CDH13: variants seen among roughly 807,000 people sequenced by gnomAD.
The protein encoded by CDH13 is cadherin-13.
A neutral mutation model predicts 63.8 loss-of-function variants in CDH13; 24 were observed. The observed-to-expected ratio is 0.38, with a 90% CI of 0.27 to 0.53. The LOEUF is 0.53. CDH13 is among the 20% of genes least tolerant of loss of function. The probability of loss-of-function intolerance (pLI) is 0.85; values close to 1 mark genes in which losing one functional copy is unlikely to be tolerated. For missense variants in CDH13, 1,049 were observed against 903.1 expected (o/e 1.16, Z -2.07); for synonymous variants, 503 against 355.3 (o/e 1.42, Z -4.67).
chr16:83,007,707 C>T (rs1319737814), intron 2 of CDH13, among the ~76,000 whole-genome samples: 1 of 151,578 alleles, frequency 6.6e-6, no homozygotes, highest in African/African-American at 2.4e-5. Flanking sequence ...GCCTGTAGTC[C>T]CAGTAACTTG....
At chr16:83,204,481 A>T (rs974904487) in intron 4 of CDH13, among the ~76,000 whole-genome samples, 2 of 152,154 alleles carry the variant, frequency 1.3e-5, no homozygotes, top group African/African-American at 4.8e-5. Context: ...TTATGTACCT[A>T]AGCATTTCCT....
At chr16:82,924,909 A>G (rs1181925987) in intron 2 of CDH13, among the ~76,000 whole-genome samples, 1 of 152,046 alleles carries the variant, frequency 6.6e-6, no homozygotes, top group African/African-American at 2.4e-5. Flanking sequence ...AGCACTTTGG[A>G]GACACTCATT....
At chr16:83,583,396 G>A (rs139327662) in intron 7 of CDH13, among the ~76,000 whole-genome samples, 283 of 152,328 alleles carry the variant, frequency 1.9e-3, no homozygotes, top group African/African-American at 6.4e-3. Context: ...ACTTTGAGGA[G>A]CTATCATTCT....
chr16:83,212,698 G>T (rs1043878039), intron 4 of CDH13, among the ~76,000 whole-genome samples: 1 of 152,180 alleles, frequency 6.6e-6, no homozygotes, highest in African/African-American at 2.4e-5. Flanking sequence ...GGTGCTGAAA[G>T]CTGCCCAAAG....
chr16:83,602,457 C>T lies in CDH13; in HGVS notation c.964C>T (p.Leu322=). ...TCTTTGTGCTTGTGCTTTGTAGACTCTGGAAAATCCCAAGTATGAACTGAT... is the reference window on the plus strand; with the variant it reads ...TCTTTGTGCTTGTGCTTTGTAGACTTTGGAAAATCCCAAGTATGAACTGAT... ...VSPALLDRET[L]ENPKYELIIE... Residue 322 remains leucine (L), a synonymous_variant, in exon 8 of 14, where the codon CTG becomes TTG. Coordinates refer to ENST00000567109, the MANE Select transcript of CDH13 (RefSeq NM_001257.5). 2 of 1,613,994 alleles carry T rather than the reference C, an allele frequency of 1.2e-6. No individual in the cohort carries two copies. The highest frequency in any genetic ancestry group is 1.7e-6 in the Non-Finnish European group (2 of 1,179,860).
Position 83,145,054 on chromosome 16 carries a change from C to T in CDH13, c.483+19553C>T, listed in dbSNP as rs558973995. Reference sequence around the variant, plus strand: ...ATGTTGCCACTTGCCCTTGCAGACACAAGTACGGGGACATTATATTCAATT... The same window carrying T: ...ATGTTGCCACTTGCCCTTGCAGACATAAGTACGGGGACATTATATTCAATT... On this transcript the variant is annotated intron_variant, in intron 4 of 13. Coordinates refer to ENST00000567109, the MANE Select transcript of CDH13 (RefSeq NM_001257.5). Among the ~76,000 whole-genome samples the T allele has an allele frequency of 1.3e-4, 18 of 138,748 alleles. No individual in the cohort carries two copies. The South Asian group carries it at 3.5e-3, about 27-fold the overall frequency. The allele number at this position is 138,748 out of a possible 152,430, so 91.0% of individuals were successfully genotyped here.
chr16:82,810,466 C>G (rs977605118), intron 1 of CDH13, among the ~76,000 whole-genome samples: 1 of 152,132 alleles, frequency 6.6e-6, no homozygotes, highest in African/African-American at 2.4e-5. Context: ...TTGAGAGGAT[C>G]TCAAAGTGGA....
chr16:83,594,668 G>C, intron 7 of CDH13, among the ~76,000 whole-genome samples: 1 of 152,154 alleles, frequency 6.6e-6, no homozygotes, highest in Non-Finnish European at 1.5e-5. Context: ...AGAGAGAGAT[G>C]GGGTACTGTG....
chr16:83,052,154 T>G (rs2030411148), intron 3 of CDH13, among the ~76,000 whole-genome samples: 1 of 152,180 alleles, frequency 6.6e-6, no homozygotes, highest in African/African-American at 2.4e-5. Context: ...TAATATTTAT[T>G]TTTAGAAACC....
At chr16:83,507,094 T>G (rs958104637) in intron 7 of CDH13, among the ~76,000 whole-genome samples, 1 of 152,082 alleles carries the variant, frequency 6.6e-6, no homozygotes, top group Non-Finnish European at 1.5e-5. Context: ...TGCTCATTTC[T>G]CTGTTACCCC....
At chr16:82,631,455 A>G (rs1908000682) in intron 1 of CDH13, among the ~76,000 whole-genome samples, 1 of 152,240 alleles carries the variant, frequency 6.6e-6, no homozygotes, top group African/African-American at 2.4e-5. Flanking sequence ...CCTGTCATCC[A>G]ATTACAATAA....
chr16:83,606,550 A>T (rs769657285), intron 8 of CDH13, among the ~76,000 whole-genome samples: 9 of 151,800 alleles, frequency 5.9e-5, no homozygotes, highest in Non-Finnish European at 7.4e-5. Flanking sequence ...CCAGTCTGGG[A>T]AACATGGTGA....
intron 5 of CDH13, among the ~76,000 whole-genome samples, chr16:83,319,350 A>G (rs1254510342): frequency 1.3e-5 from 2 of 152,194 alleles, no homozygotes; most frequent in Non-Finnish European, 2.9e-5. Flanking sequence ...CAGCAAAGGT[A>G]GCATTCCGGT....
At chr16:83,379,850 A>T (rs191339933) in intron 6 of CDH13, among the ~76,000 whole-genome samples, 1 of 151,552 alleles carries the variant, frequency 6.6e-6, no homozygotes, top group Admixed American at 6.6e-5. Flanking sequence ...ATATAAATAT[A>T]TAACCCAATA....
chr16:83,069,363 C>G (rs1030566897), intron 3 of CDH13, among the ~76,000 whole-genome samples: 2 of 152,100 alleles, frequency 1.3e-5, no homozygotes, highest in East Asian at 3.9e-4. Context: ...TAAATATGAT[C>G]ACATAATTTT....
chr16:83,007,843 A>G (rs2151432089), intron 2 of CDH13, among the ~76,000 whole-genome samples: 1 of 150,588 alleles, frequency 6.6e-6, no homozygotes, highest in Middle Eastern at 3.4e-3. Context: ...AAAAAGAGAG[A>G]AAAGAAAAAT....
At chr16:83,178,163 G>C (rs901274482) in intron 4 of CDH13, among the ~76,000 whole-genome samples, 28 of 152,144 alleles carry the variant, frequency 1.8e-4, no homozygotes, top group South Asian at 6.2e-4. Flanking sequence ...TCCAGATTAG[G>C]GTTTTTCAGC....
At chr16:82,782,667 C>T (rs1454531273) in intron 1 of CDH13, among the ~76,000 whole-genome samples, 4 of 152,148 alleles carry the variant, frequency 2.6e-5, no homozygotes, top group Non-Finnish European at 5.9e-5. Context: ...TTGGCACAGA[C>T]ACTTAATTAT....
chr16:83,678,006 A>G (rs1915103454), intron 9 of CDH13, among the ~76,000 whole-genome samples: 1 of 152,152 alleles, frequency 6.6e-6, no homozygotes, highest in African/African-American at 2.4e-5. Flanking sequence ...AAAAAAACCA[A>G]CATCCATACT....
Sources: gnomAD v4.1 joint callset for allele counts (sites outside exome capture counted in the v4.1 genomes callset) on GRCh38, gnomAD v4.1.1 for gene constraint, MANE v1.5 for transcripts, NCBI Gene and HGNC (gene_info 2026-07-23, HGNC 2026-07-21) for gene names.